UPF3A: variants seen among roughly 807,000 people sequenced by gnomAD.
UPF3A encodes regulator of nonsense transcripts 3A.
Under a neutral mutation model 53.5 loss-of-function variants are expected in UPF3A, and 42 were observed. The observed-to-expected ratio is 0.78, with a 90% CI of 0.61 to 1.01. The LOEUF (loss-of-function observed/expected upper bound fraction) is 1.01, where lower values mean the gene tolerates loss of function less well. Among genes scored for constraint, UPF3A ranks in the 50% least tolerant of loss-of-function variants. The pLI is 0.00. For missense variants in UPF3A, 575 were observed against 598.0 expected, an observed-to-expected ratio of 0.96 and a Z score of 0.40; for synonymous variants, 237 against 225.3, an observed-to-expected ratio of 1.05 and a Z score of -0.47.
chr13:114,300,402 C>T (rs563605072), intron 8 of UPF3A, among the ~76,000 whole-genome samples: 10 of 152,146 alleles, frequency 6.6e-5, no homozygotes, highest in Non-Finnish European at 1.0e-4. Flanking sequence ...GACAAAGTCT[C>T]GCCCTGTCGC....
Position 114,281,841 on chromosome 13 carries a change from A to G in UPF3A, c.202A>G (p.Ser68Gly). ...KPREEKRTALSKVVIRRLPPG... is the reference protein window; with the variant it reads ...KPREEKRTALGKVVIRRLPPG... ...TCGCGAGGAGAAGAGGACGGCCCTG[A>G]GCAAGGTGGGGACGGGGGCGGGGCG... is the stretch of plus-strand genomic sequence containing the variant. Residue 68 changes from serine (S) to glycine (G), a missense_variant, in exon 1 of 10, where the codon AGC (serine) becomes GGC (glycine). Around this residue, in one of 2 missense-constraint regions of UPF3A, gnomAD observed 252 missense variants for 182.7 expected, o/e 1.38. Coordinates refer to ENST00000375299, the MANE Select transcript of UPF3A (RefSeq NM_023011.4). The G allele has an allele frequency of 1.3e-6, 2 of 1,502,408 alleles. No homozygotes were observed. Among genetic ancestry groups the G allele is most frequent in the Non-Finnish European group, 1.8e-6 (2 of 1,121,834 alleles). The allele number at this position is 1,502,408 out of a possible 1,614,324, so 93.1% of individuals were successfully genotyped here. A position where few individuals can be genotyped will look rare whatever the true frequency, so the allele number is the denominator to read the frequency against.
At chr13:114,303,007 GGA>G (rs1359749574) in intron 9 of UPF3A, among the ~76,000 whole-genome samples, 2 of 152,188 alleles carry the variant, frequency 1.3e-5, no homozygotes, top group African/African-American at 4.8e-5. Flanking sequence ...GGCTGAGGCA[GGA>G]GAATTGCTTG....
At chr13:114,288,418 C>G (rs2084939896) in intron 5 of UPF3A, among the ~76,000 whole-genome samples, 1 of 152,110 alleles carries the variant, frequency 6.6e-6, no homozygotes, top group South Asian at 2.1e-4. Flanking sequence ...ATGAGCTGAG[C>G]CTGGCCGTGC....
chr13:114,290,960 C>T (rs1473135534), intron 5 of UPF3A, among the ~76,000 whole-genome samples: 1 of 151,902 alleles, frequency 6.6e-6, no homozygotes. Flanking sequence ...GTCTCGAATT[C>T]CCAATCTAAG....
intron 7 of UPF3A, among the ~76,000 whole-genome samples, chr13:114,294,275 G>GGGT (rs1555372461): frequency 2.1e-5 from 3 of 142,438 alleles, no homozygotes; most frequent in African/African-American, 8.8e-5. Flanking sequence ...GGTTTTGGTG[G>GGGT]GGGGGGGGTT....
chr13:114,295,151 A>G (rs149646133), intron 7 of UPF3A, among the ~76,000 whole-genome samples: 17 of 152,184 alleles, frequency 1.1e-4, no homozygotes, highest in Non-Finnish European at 1.0e-4. Context: ...GGCACACAGA[A>G]CAGCTCAGCT....
At chr13:114,290,787 G>A (rs1157527626) in intron 5 of UPF3A, among the ~76,000 whole-genome samples, 1 of 147,654 alleles carries the variant, frequency 6.8e-6, no homozygotes, top group Non-Finnish European at 1.5e-5. Context: ...AGGCTGGAGT[G>A]CAGTGGCGCA....
At chr13:114,296,612 A>G (rs909848380) in intron 7 of UPF3A, among the ~76,000 whole-genome samples, 1 of 152,120 alleles carries the variant, frequency 6.6e-6, no homozygotes, top group Non-Finnish European at 1.5e-5. Context: ...AAATCTGAGG[A>G]GAGGCCATCG....
At position 114,298,909 on chromosome 13, in the gene UPF3A, GAT is replaced by G. The variant is rs1339554518; in HGVS notation, c.918_919del (p.Thr307TrpfsTer35). The G allele has an allele frequency of 6.2e-7, 1 of 1,606,718 alleles. No homozygotes were observed. Among genetic ancestry groups the G allele is most frequent in the East Asian group, 2.2e-5 (1 of 44,520 alleles). On this transcript the variant is annotated frameshift_variant, in exon 8 of 10. Coordinates refer to ENST00000375299, the MANE Select transcript of UPF3A (RefSeq NM_023011.4). LOFTEE classifies it high-confidence loss of function. ...EKPKERGEEI[D>X]TGGGKQESCA... ...ACCAAAAGAAAGAGGAGAGGAGATT[GAT>G]ACTGGAGGTGGCAAGCAGGAATCCT...
At position 114,286,347 on chromosome 13, in the gene UPF3A, T is replaced by TA; in HGVS notation, c.468dup (p.Ala157SerfsTer18). On this transcript the variant is annotated frameshift_variant, in exon 4 of 10. Transcript: ENST00000375299. LOFTEE classifies it high-confidence loss of function. ...GTAGAGTTTGCTCCATTCCAGAAGA[T>TA]AGCCAAAAAGAAGCTGAGAAAAAAA... is the stretch of plus-strand genomic sequence containing the variant. 1 of 1,614,138 alleles carries TA rather than the reference T, an allele frequency of 6.2e-7. No homozygotes were observed. Among genetic ancestry groups the TA allele is most frequent in the Non-Finnish European group, 8.5e-7 (1 of 1,180,024 alleles).
In UPF3A at chr13:114,298,903, G is replaced by A. The variant is rs1404797409; in HGVS notation, c.910G>A (p.Glu304Lys). ...AGAGAAACCAAAAGAAAGAGGAGAGGAGATTGATACTGGAGGTGGCAAGCA... is the reference window on the plus strand; with the variant it reads ...AGAGAAACCAAAAGAAAGAGGAGAGAAGATTGATACTGGAGGTGGCAAGCA... ...TTEKPKERGEEIDTGGGKQES... is the reference protein window; with the variant it reads ...TTEKPKERGEKIDTGGGKQES... Residue 304 changes from glutamate (E) to lysine (K), a missense_variant, in exon 8 of 10, where the codon GAG (glutamate) becomes AAG (lysine). Physicochemically the swap from Glu to Lys is moderately conservative, Grantham distance 56. Around this residue, in one of 2 missense-constraint regions of UPF3A, gnomAD observed 323 missense variants for 415.2 expected, o/e 0.78. Coordinates refer to ENST00000375299, the MANE Select transcript of UPF3A (RefSeq NM_023011.4). 2.5e-6 allele frequency: 4 copies of A among 1,605,756 alleles called. No homozygotes were observed. The highest frequency in any genetic ancestry group is 2.2e-5 in the South Asian group (2 of 89,426).
chr13:114,296,602 A>G (rs2086052188), intron 7 of UPF3A, among the ~76,000 whole-genome samples: 1 of 152,114 alleles, frequency 6.6e-6, no homozygotes, highest in Non-Finnish European at 1.5e-5. Flanking sequence ...GCAACTTACC[A>G]AATCTGAGGA....
chr13:114,283,014 G>A (rs2139122871), intron 3 of UPF3A, 71 bp downstream of exon 3: 6 of 1,186,446 alleles, frequency 5.1e-6, no homozygotes, highest in Middle Eastern at 2.0e-4. Context: ...TAGAATATTC[G>A]TGCTTTTTAA....
At chr13:114,299,872 G>A (rs1658498580) in intron 8 of UPF3A, among the ~76,000 whole-genome samples, 2 of 152,264 alleles carry the variant, frequency 1.3e-5, no homozygotes, top group African/African-American at 2.4e-5. Context: ...GAAGACTAAT[G>A]CGATTAGGCT....
chr13:114,294,297 C>G (rs1470397308), intron 7 of UPF3A, among the ~76,000 whole-genome samples: 4 of 147,230 alleles, frequency 2.7e-5, no homozygotes, highest in Non-Finnish European at 5.9e-5. Context: ...GAGACAGGGT[C>G]TCAATGTGTC....
Position 114,291,474 on chromosome 13 carries a change from A to G in UPF3A, c.632-15A>G. 2 of 1,587,852 alleles carry G rather than the reference A, an allele frequency of 1.3e-6. No individual in the cohort carries two copies. The highest frequency in any genetic ancestry group is 1.4e-5 in the African/African-American group (1 of 73,734). On this transcript the variant is annotated splice_polypyrimidine_tract_variant and intron_variant, in intron 5 of 9. Transcript: ENST00000375299. ...TTTAGGAGTTAAATACAATATTACA[A>G]TTTTTGTGTTTTAGCTAGAAGAACC...
chr13:114,290,819 C>T (rs966282379), intron 5 of UPF3A, among the ~76,000 whole-genome samples: 16 of 151,382 alleles, frequency 1.1e-4, no homozygotes, highest in African/African-American at 2.9e-4. Flanking sequence ...CTGCAACCTC[C>T]TCCTCCCGTG....
intron 2 of UPF3A, 35 bp downstream of exon 2, chr13:114,282,162 G>C (rs989598296): frequency 1.3e-6 from 2 of 1,512,252 alleles, no homozygotes; most frequent in South Asian, 2.4e-5. Flanking sequence ...AGAGAGGGCG[G>C]AACCCAGAGC....
chr13:114,299,704 C>G (rs1298146735), intron 8 of UPF3A, among the ~76,000 whole-genome samples: 1 of 152,250 alleles, frequency 6.6e-6, no homozygotes, highest in Non-Finnish European at 1.5e-5. Context: ...GATCCTGTCC[C>G]TCTTGCTCCT....
Sources: allele counts gnomAD v4.1 joint callset (sites outside exome capture counted in the v4.1 genomes callset), GRCh38; gene constraint gnomAD v4.1.1; regional missense constraint gnomAD v4.1.1; transcripts MANE v1.5; gene names NCBI Gene and HGNC (gene_info 2026-07-23, HGNC 2026-07-21).